Variants in CDH15 observed in about 807,000 individuals in gnomAD.
CDH15 encodes cadherin 15, also known as cadherin-15.
A neutral mutation model predicts 69.4 loss-of-function variants in CDH15; 73 were observed. That is an observed-to-expected ratio of 1.05 (90% CI 0.87 to 1.28). The LOEUF (loss-of-function observed/expected upper bound fraction) is 1.28, where lower values mean the gene tolerates loss of function less well. Among genes scored for constraint, CDH15 ranks in the 50% most tolerant of loss-of-function variants. The pLI is 0.00. For synonymous variants in CDH15, 624 were observed against 507.7 expected, an observed-to-expected ratio of 1.23 and a Z score of -3.08; for missense variants, 1,343 against 1,133.6, an observed-to-expected ratio of 1.18 and a Z score of -2.65.
intron 1 of CDH15, 79 bp from the exon 2 acceptor site, chr16:89,179,337 C>T (rs972058097): frequency 1.3e-6 from 2 of 1,557,326 alleles, no homozygotes; most frequent in South Asian, 1.1e-5. Context: ...GCCTCCTCAC[C>T]ACCCACAGCT....
intron 5 of CDH15, among the ~76,000 whole-genome samples, chr16:89,186,439 G>A (rs1433428391): frequency 1.4e-5 from 1 of 73,326 alleles, no homozygotes; most frequent in Admixed American, 1.6e-4. Flanking sequence ...GCTCTGTAAA[G>A]GCTCACCCAG....
rs1266768956 is a variant in CDH15, at chr16:89,190,513, C to T, written c.1232+17C>T. The T allele has an allele frequency of 6.3e-7, 1 of 1,580,088 alleles. No homozygotes were observed. The highest frequency in any genetic ancestry group is 8.6e-7 in the Non-Finnish European group (1 of 1,163,976). On this transcript the variant is annotated intron_variant, in intron 8 of 13. Transcript: ENST00000289746. ...GAGGCTCAGGTGGGGCTCCTGAGGC[C>T]CTGGGAGAGGTAGAGGAGGCTAACG... is the stretch of plus-strand genomic sequence containing the variant.
chr16:89,194,716 C>G, intron 13 of CDH15, 146 bp from the exon 14 acceptor site: 1 of 773,952 alleles, frequency 1.3e-6, no homozygotes, highest in South Asian at 1.5e-5. Flanking sequence ...GACGCTTTGC[C>G]TCCCCTCAGA....
chr16:89,193,497 C>A lies in CDH15; in HGVS notation c.1883C>A (p.Ala628Glu), dbSNP rs1368026686. The A allele has an allele frequency of 1.2e-6, 2 of 1,611,704 alleles. No homozygotes were observed. The highest frequency in any genetic ancestry group is 1.7e-6 in the Non-Finnish European group (2 of 1,179,660). ...LVLVLLVALR[A>E]RFWKQSRGKG... ...CTGGTCCTGCTCGTGGCACTCCGGG[C>A]GCGGTTCTGGAAGCAGTCTCGGGGC... Residue 628 changes from alanine (A) to glutamate (E), a missense_variant, in exon 12 of 14, where the codon GCG (alanine) becomes GAG (glutamate). By Grantham distance (107) the Ala-to-Glu change is moderately radical. Transcript: ENST00000289746.
In CDH15 at chr16:89,192,110, G is replaced by C. The variant is rs1567776832; in HGVS notation, c.1616-95G>C. ...GGGGGTGGGGGGGACCCAGGCCCAGGATCTCGGGATCCCCACCCTGTCTCG... is the reference window on the plus strand; with the variant it reads ...GGGGGTGGGGGGGACCCAGGCCCAGCATCTCGGGATCCCCACCCTGTCTCG... On this transcript the variant is annotated intron_variant, in intron 10 of 13. Coordinates refer to ENST00000289746, the MANE Select transcript of CDH15 (RefSeq NM_004933.3). 6.3e-6 allele frequency: 9 copies of C among 1,423,262 alleles called. No individual in the cohort carries two copies. The East Asian group carries it at 2.3e-4, about 36-fold the overall frequency. 88.2% of individuals were successfully genotyped at this position (1,423,262 alleles called of 1,614,324 possible).
intron 8 of CDH15, 86 bp from the exon 9 acceptor site, chr16:89,191,244 C>A (rs1024881273): frequency 4.0e-5 from 58 of 1,458,916 alleles, no homozygotes; most frequent in Non-Finnish European, 4.9e-5. Flanking sequence ...TGTGTGTGTG[C>A]AGTGCATGTC....
At chr16:89,187,392 G>C (rs1915513440) in intron 5 of CDH15, 37 bp from the exon 6 acceptor site, 2 of 1,610,136 alleles carry the variant, frequency 1.2e-6, no homozygotes, top group East Asian at 4.5e-5. Flanking sequence ...GCCCCACCTG[G>C]GCCCTCATCT....
chr16:89,190,554 C>A, intron 8 of CDH15, 58 bp downstream of exon 8: 2 of 1,550,102 alleles, frequency 1.3e-6, no homozygotes, highest in Non-Finnish European at 8.7e-7. Flanking sequence ...ATTCCTGCTT[C>A]GGGTGCCCCT....
chr16:89,186,418 G>A (rs537826784), intron 5 of CDH15, among the ~76,000 whole-genome samples: 3 of 128,886 alleles, frequency 2.3e-5, no homozygotes, highest in Non-Finnish European at 3.3e-5. Context: ...CTCACCCAGC[G>A]CACAGTAGGT....
chr16:89,180,346 T>C lies in CDH15; in HGVS notation c.348T>C (p.Asp116=). ...LNAMLDREKT[D]RFRLRAFALD... is the part of the protein sequence containing the mutation. Reference sequence around the variant, plus strand: ...CCATGCTGGACCGCGAGAAGACTGATCGCTTCAGGGTGCGGAGCTGCGTGG... The same window carrying C: ...CCATGCTGGACCGCGAGAAGACTGACCGCTTCAGGGTGCGGAGCTGCGTGG... Residue 116 remains aspartate (D), a synonymous_variant, in exon 3 of 14, where the codon GAT becomes GAC. Coordinates refer to ENST00000289746, the MANE Select transcript of CDH15 (RefSeq NM_004933.3). 6.2e-7 allele frequency: 1 copy of C among 1,612,190 alleles called. No individual in the cohort carries two copies. The highest frequency in any genetic ancestry group is 8.5e-7 in the Non-Finnish European group (1 of 1,179,454).
chr16:89,193,901 C>T lies in CDH15; in HGVS notation c.2139C>T (p.Asp713=). 3.1e-6 allele frequency: 5 copies of T among 1,612,240 alleles called. No individual in the cohort carries two copies. The highest frequency in any genetic ancestry group is 4.2e-6 in the Non-Finnish European group (5 of 1,179,806). ...VLPTSPLDIA[D]FINDGLEAAD... ...CCACCAGCCCCCTGGACATCGCCGACTTCATCAATGATGTAGGTGCTCCTG... is the reference window on the plus strand; with the variant it reads ...CCACCAGCCCCCTGGACATCGCCGATTTCATCAATGATGTAGGTGCTCCTG... The change falls in exon 13 of 14, where the codon GAC becomes GAT. Residue 713 remains aspartate (D), a synonymous_variant. Coordinates refer to ENST00000289746, the MANE Select transcript of CDH15 (RefSeq NM_004933.3).
chr16:89,178,581 C>A (rs1391945025), intron 1 of CDH15, among the ~76,000 whole-genome samples: 1 of 152,004 alleles, frequency 6.6e-6, no homozygotes, highest in African/African-American at 2.4e-5. Context: ...CCGAGGCAGC[C>A]CTGGCCCCTG....
chr16:89,188,219 C>A lies in CDH15; in HGVS notation c.912C>A (p.Asp304Glu). 3.7e-6 allele frequency: 6 copies of A among 1,613,566 alleles called. No individual in the cohort carries two copies. The highest frequency in any genetic ancestry group is 5.1e-6 in the Non-Finnish European group (6 of 1,179,938). Residue 304 changes from aspartate (D) to glutamate (E), a missense_variant, in exon 7 of 14, where the codon GAC becomes GAA. Asp to Glu is a conservative substitution (Grantham distance 45). Coordinates refer to ENST00000289746, the MANE Select transcript of CDH15 (RefSeq NM_004933.3). ...CCAGGTTCACCATCCTGGAAGGCGACCCCGATGGGCAGTTCACCATCCGCA... is the reference window on the plus strand; with the variant it reads ...CCAGGTTCACCATCCTGGAAGGCGAACCCGATGGGCAGTTCACCATCCGCA... Reference protein sequence around the residue: ...WVARFTILEGDPDGQFTIRTD... With the variant: ...WVARFTILEGEPDGQFTIRTD...
At chr16:89,190,540 C>T (rs1567775962) in intron 8 of CDH15, 44 bp downstream of exon 8, 1 of 1,560,312 alleles carries the variant, frequency 6.4e-7, no homozygotes, top group Non-Finnish European at 8.7e-7. Context: ...AGGCTAACGG[C>T]CCCATTCCTG....
At chr16:89,183,385 G>A in intron 3 of CDH15, 163 bp from the exon 4 acceptor site, 1 of 763,840 alleles carries the variant, frequency 1.3e-6, no homozygotes, top group South Asian at 1.7e-5. Context: ...GACGTCCTCA[G>A]TCACTGTGAC....
rs1308891145 is a variant in CDH15, at chr16:89,190,312, G to A, written c.1048G>A (p.Ala350Thr). 3.7e-6 allele frequency: 6 copies of A among 1,612,080 alleles called. No individual in the cohort carries two copies. In the African/African-American group the frequency reaches 6.7e-5, roughly 18 times the overall value. ...VSVQNEAPLQAAALRAERGQA... is the reference protein window; with the variant it reads ...VSVQNEAPLQTAALRAERGQA... ...GGTGCAGAATGAGGCCCCGCTGCAG[G>A]CGGCTGCCCTTAGGGCTGAGCGGGG... The change falls in exon 8 of 14, where the codon GCG becomes ACG. Residue 350 changes from alanine to threonine, a missense_variant. Physicochemically the swap from Ala to Thr is moderately conservative, Grantham distance 58. Transcript: ENST00000289746.
intron 7 of CDH15, among the ~76,000 whole-genome samples, chr16:89,188,766 A>C (rs1434746765): frequency 6.8e-6 from 1 of 147,928 alleles, no homozygotes; most frequent in African/African-American, 2.5e-5. Flanking sequence ...GCCCACACAC[A>C]GATGCCCACA....
chr16:89,192,475 C>G (rs1380539434), intron 11 of CDH15, 31 bp downstream of exon 11: 3 of 1,556,120 alleles, frequency 1.9e-6, no homozygotes, highest in South Asian at 2.3e-5. Flanking sequence ...CACCTGGACC[C>G]TCGGACCCTC....
In CDH15 at chr16:89,190,444, G is replaced by A. The variant is rs763379991; in HGVS notation, c.1180G>A (p.Val394Met). The A allele has an allele frequency of 6.2e-6, 10 of 1,607,296 alleles. No individual in the cohort carries two copies. In the Admixed American group the frequency reaches 1.7e-4, roughly 27 times the overall value. The change falls in exon 8 of 14, where the codon GTG becomes ATG. Residue 394 changes from valine to methionine, a missense_variant. Physicochemically the swap from Val to Met is conservative, Grantham distance 21. Transcript: ENST00000289746. The stretch of plus-strand genomic sequence containing the variant: ...AGAGGGGGCACCCCCAGGCACTCTG[G>A]TGGCCACCTTCTCTGCCCGGGACCC... ...LAEGAPPGTLVATFSARDPDT... is the reference protein window; with the variant it reads ...LAEGAPPGTLMATFSARDPDT...
Sources: allele counts gnomAD v4.1 joint callset (sites outside exome capture counted in the v4.1 genomes callset), GRCh38; gene constraint gnomAD v4.1.1; transcripts MANE v1.5; gene names NCBI Gene and HGNC (gene_info 2026-07-23, HGNC 2026-07-21).